Variants in SOX5 observed in about 807,000 individuals in gnomAD.
The protein encoded by SOX5 is SRY-box transcription factor 5, also known as transcription factor SOX-5.
A neutral mutation model predicts 92.0 loss-of-function variants in SOX5; 9 were observed. The ratio of observed to expected loss-of-function variants is 0.10; its 90% CI spans 0.06 to 0.17. The LOEUF is 0.17. Ranked by LOEUF, SOX5 falls within the 10% of genes least tolerant of loss-of-function variation. SOX5 has a pLI of 1.00. For synonymous variants in SOX5, 344 were observed against 336.3 expected, an observed-to-expected ratio of 1.02 and a Z score of -0.25; for missense variants, 642 against 944.5, an observed-to-expected ratio of 0.68 and a Z score of 4.20.
At chr12:24,460,786 T>TA (rs201013990) in intron 1 of SOX5, 2 of 152,084 alleles carry the variant, frequency 1.3e-5, no homozygotes, top group Non-Finnish European at 2.9e-5. Context: ...ACTGTAGTGG[T>TA]AAAAAACAAG....
intron 4 of SOX5, among the ~76,000 whole-genome samples, chr12:24,022,714 C>A (rs1188171714): frequency 6.6e-6 from 1 of 152,074 alleles, no homozygotes; most frequent in Non-Finnish European, 1.5e-5. Flanking sequence ...AAGCCATAAG[C>A]ATGGCTGAAG....
intron 4 of SOX5, among the ~76,000 whole-genome samples, chr12:24,011,800 T>G (rs1952973088): frequency 6.6e-6 from 1 of 152,206 alleles, no homozygotes; most frequent in Non-Finnish European, 1.5e-5. Flanking sequence ...CTTGGTCAAC[T>G]TTTAAAATGA....
chr12:24,079,735 A>C (rs936738838), intron 4 of SOX5, among the ~76,000 whole-genome samples: 1 of 151,962 alleles, frequency 6.6e-6, no homozygotes, highest in South Asian at 2.1e-4. Flanking sequence ...TAAGGAGATC[A>C]ATCAGTCCTT....
At chr12:23,906,807 A>C (rs1374541298) in intron 1 of SOX5, among the ~76,000 whole-genome samples, 1 of 152,204 alleles carries the variant, frequency 6.6e-6, no homozygotes, top group African/African-American at 2.4e-5. Flanking sequence ...TAACAAATTG[A>C]TTAACGAGGA....
intron 6 of SOX5, among the ~76,000 whole-genome samples, chr12:23,733,714 C>T (rs796494912): frequency 7.2e-5 from 11 of 152,284 alleles, no homozygotes; most frequent in African/African-American, 2.6e-4. Context: ...ATAATTTTGA[C>T]ACATTTGCTT....
intron 4 of SOX5, among the ~76,000 whole-genome samples, chr12:24,169,244 TA>T (rs1257551430): frequency 1.3e-5 from 2 of 152,204 alleles, no homozygotes; most frequent in Non-Finnish European, 2.9e-5. Context: ...TACTGATTTA[TA>T]AATGTATTAT....
At chr12:23,733,656 G>A (rs754802100) in intron 6 of SOX5, among the ~76,000 whole-genome samples, 36 of 152,170 alleles carry the variant, frequency 2.4e-4, no homozygotes, top group Non-Finnish European at 3.4e-4. Context: ...TACAATAGGA[G>A]AAATCTGGAT....
At chr12:24,175,969 G>A (rs1244285302) in intron 4 of SOX5, among the ~76,000 whole-genome samples, 1 of 149,096 alleles carries the variant, frequency 6.7e-6, no homozygotes, top group Non-Finnish European at 1.5e-5. Context: ...CTCTTCTCAA[G>A]GCAAGGCCCA....
At chr12:23,589,124 T>C (rs1951163922) in intron 9 of SOX5, among the ~76,000 whole-genome samples, 1 of 151,580 alleles carries the variant, frequency 6.6e-6, no homozygotes, top group South Asian at 2.1e-4. Context: ...AATATATCCA[T>C]ACATATAACA....
chr12:23,788,082 T>G (rs1007727575), intron 3 of SOX5, among the ~76,000 whole-genome samples: 1 of 150,766 alleles, frequency 6.6e-6, no homozygotes, highest in African/African-American at 2.4e-5. Context: ...GGTGTGAAAG[T>G]GTTATTAAAA....
intron 3 of SOX5, among the ~76,000 whole-genome samples, chr12:23,842,561 A>T (rs1467461343): frequency 6.6e-6 from 1 of 152,162 alleles, no homozygotes; most frequent in African/African-American, 2.4e-5. Context: ...CAATAAAAGG[A>T]ACCAGAGATT....
chr12:24,124,562 CAAAAAAAAA>C (rs35701853), intron 4 of SOX5, among the ~76,000 whole-genome samples: 1 of 133,666 alleles, frequency 7.5e-6, no homozygotes, highest in Non-Finnish European at 1.6e-5. Context: ...AGGAATGGGA[CAAAAAAAAA>C]AAAAGAAAAA....
intron 6 of SOX5, among the ~76,000 whole-genome samples, chr12:23,719,997 G>A (rs988110674): frequency 6.6e-6 from 1 of 152,034 alleles, no homozygotes; most frequent in African/African-American, 2.4e-5. Context: ...TTTAAGTAAC[G>A]ATGTGTTGAT....
At chr12:23,603,589 C>A (rs2074850293) in intron 9 of SOX5, among the ~76,000 whole-genome samples, 1 of 151,234 alleles carries the variant, frequency 6.6e-6, no homozygotes, top group Non-Finnish European at 1.5e-5. Flanking sequence ...CTTCTTACTT[C>A]TTGCATGGAA....
chr12:24,465,487 G>A (rs1944125601), intron 1 of SOX5, among the ~76,000 whole-genome samples: 1 of 152,130 alleles, frequency 6.6e-6, no homozygotes, highest in South Asian at 2.1e-4. Context: ...TGAAGAGTGA[G>A]GAAAAACAGA....
intron 4 of SOX5, among the ~76,000 whole-genome samples, chr12:24,122,741 CTTTG>C (rs968818041): frequency 8.5e-5 from 13 of 152,128 alleles, no homozygotes; most frequent in Admixed American, 7.2e-4. Context: ...ACTATTGTGT[CTTTG>C]TTTTGTTTCC....
At chr12:24,256,464 G>A (rs773389795) in intron 3 of SOX5, among the ~76,000 whole-genome samples, 7 of 152,178 alleles carry the variant, frequency 4.6e-5, no homozygotes, top group South Asian at 2.1e-4. Flanking sequence ...CCACTTCTGC[G>A]ACCGCCTTTT....
intron 6 of SOX5, among the ~76,000 whole-genome samples, chr12:23,695,727 G>A (rs1308444233): frequency 6.6e-6 from 1 of 151,760 alleles, no homozygotes; most frequent in Non-Finnish European, 1.5e-5. Context: ...GGATCACGAG[G>A]TCAGGAGATC....
chr12:23,949,547 G>A lies in SOX5; in HGVS notation c.38+17C>T, dbSNP rs769050483. On this transcript the variant is annotated intron_variant, in intron 1 of 14. Transcript: ENST00000451604. ...GAGTTGTACTTCAATATATTAGGGG[G>A]AAAAAACTGTACTCACCTTTCAAAC... 10 of 1,613,150 alleles carry A rather than the reference G, an allele frequency of 6.2e-6. No individual in the cohort carries two copies. The highest frequency in any genetic ancestry group is 1.7e-5 in the Admixed American group (1 of 59,976).
Sources: gnomAD v4.1 joint callset for allele counts (sites outside exome capture counted in the v4.1 genomes callset) on GRCh38, gnomAD v4.1.1 for gene constraint, MANE v1.5 for transcripts, NCBI Gene and HGNC (gene_info 2026-07-23, HGNC 2026-07-21) for gene names.